DPP10: variants seen among roughly 807,000 people sequenced by gnomAD.
DPP10 encodes the protein dipeptidyl peptidase like 10.
DPP10 carries 33 observed loss-of-function variants against 120.9 expected under a neutral mutation model. The ratio of observed to expected loss-of-function variants is 0.27; its 90% CI spans 0.21 to 0.37. DPP10 has a LOEUF of 0.37. DPP10 is among the 10% of genes least tolerant of loss of function. The pLI, the probability that DPP10 is intolerant of heterozygous loss-of-function variation, is 1.00. For synonymous variants in DPP10, 337 were observed against 326.1 expected (o/e 1.03, Z -0.36); for missense variants, 816 against 942.8 (o/e 0.87, Z 1.76).
chr2:114,903,999 T>C (rs1693788072), intron 1 of DPP10, among the ~76,000 whole-genome samples: 1 of 152,218 alleles, frequency 6.6e-6, no homozygotes, highest in Admixed American at 6.5e-5. Context: ...TATCACCATC[T>C]GAGATGACAA....
At chr2:114,868,036 A>G (rs1189215531) in intron 1 of DPP10, among the ~76,000 whole-genome samples, 2 of 152,240 alleles carry the variant, frequency 1.3e-5, no homozygotes, top group South Asian at 2.1e-4. Flanking sequence ...GTGGAATCAG[A>G]CACTCACATC....
At chr2:115,663,857 T>C (rs916397142) in intron 5 of DPP10, among the ~76,000 whole-genome samples, 1 of 151,930 alleles carries the variant, frequency 6.6e-6, no homozygotes, top group Non-Finnish European at 1.5e-5. Flanking sequence ...TAGCCGGGTG[T>C]GGTGGCGTGC....
At chr2:114,929,257 G>A (rs1297451108) in intron 1 of DPP10, among the ~76,000 whole-genome samples, 3 of 152,034 alleles carry the variant, frequency 2.0e-5, no homozygotes, top group African/African-American at 7.2e-5. Flanking sequence ...TTACTGATGA[G>A]GTTCCACGTC....
intron 1 of DPP10, among the ~76,000 whole-genome samples, chr2:114,944,206 G>A (rs1286047751): frequency 1.3e-5 from 2 of 152,018 alleles, no homozygotes; most frequent in Non-Finnish European, 2.9e-5. Context: ...ATATTTCCTT[G>A]ATGTTGCAAA....
chr2:114,962,124 T>C (rs1039323483), intron 1 of DPP10, among the ~76,000 whole-genome samples: 2 of 152,198 alleles, frequency 1.3e-5, no homozygotes, highest in African/African-American at 4.8e-5. Flanking sequence ...TTTTTACTTC[T>C]TCTCACTTCA....
chr2:114,674,398 GA>G (rs1375271141), intron 1 of DPP10, among the ~76,000 whole-genome samples: 1 of 151,628 alleles, frequency 6.6e-6, no homozygotes. Context: ...TATTTTCATT[GA>G]TTTCTTGATT....
chr2:114,662,935 C>T (rs539374996), intron 1 of DPP10, among the ~76,000 whole-genome samples: 1 of 152,218 alleles, frequency 6.6e-6, no homozygotes, highest in Non-Finnish European at 1.5e-5. Context: ...CCTTAAGGCA[C>T]TTTTGATTGA....
chr2:115,626,463 A>G (rs1260336689), intron 5 of DPP10, among the ~76,000 whole-genome samples: 2 of 152,110 alleles, frequency 1.3e-5, no homozygotes, highest in African/African-American at 2.4e-5. Flanking sequence ...CTATATTTCA[A>G]TATTACCATT....
intron 1 of DPP10, among the ~76,000 whole-genome samples, chr2:114,526,327 TG>T (rs1685494345): frequency 6.6e-6 from 1 of 152,188 alleles, no homozygotes; most frequent in Admixed American, 6.5e-5. Context: ...TATTGACGAT[TG>T]GGGGATAAAT....
At chr2:115,146,817 C>T (rs1276355136) in intron 1 of DPP10, among the ~76,000 whole-genome samples, 1 of 152,154 alleles carries the variant, frequency 6.6e-6, no homozygotes, top group African/African-American at 2.4e-5. Flanking sequence ...AGGTAGCTTG[C>T]TCCTTCCCAC....
chr2:115,378,556 C>A (rs2066004245), intron 3 of DPP10, among the ~76,000 whole-genome samples: 1 of 150,864 alleles, frequency 6.6e-6, no homozygotes, highest in African/African-American at 2.4e-5. Flanking sequence ...CCTTCTCCTG[C>A]CTAATTGCCC....
chr2:115,795,993 T>G (rs1363183966), intron 19 of DPP10, among the ~76,000 whole-genome samples: 1 of 152,126 alleles, frequency 6.6e-6, no homozygotes, highest in African/African-American at 2.4e-5. Flanking sequence ...AATGTAGCCC[T>G]CCTATCTAAA....
At chr2:114,885,194 C>T (rs6737867) in intron 1 of DPP10, among the ~76,000 whole-genome samples, 2 of 151,986 alleles carry the variant, frequency 1.3e-5, no homozygotes, top group Admixed American at 1.3e-4. Flanking sequence ...TTCTTGGGAG[C>T]CCTCAGAAAT....
At chr2:115,800,735 C>G (rs1267943427) in intron 19 of DPP10, among the ~76,000 whole-genome samples, 3 of 152,132 alleles carry the variant, frequency 2.0e-5, no homozygotes, top group East Asian at 3.9e-4. Flanking sequence ...TGTCAAAGAT[C>G]AGATAGTTGT....
At chr2:115,163,871 G>A (rs1468164614) in intron 1 of DPP10, among the ~76,000 whole-genome samples, 1 of 152,216 alleles carries the variant, frequency 6.6e-6, no homozygotes, top group Non-Finnish European at 1.5e-5. Context: ...AGCTGAAAAT[G>A]TATGTGTAGA....
At chr2:114,460,039 A>G (rs1012185056) in intron 1 of DPP10, among the ~76,000 whole-genome samples, 6 of 152,184 alleles carry the variant, frequency 3.9e-5, no homozygotes, top group Admixed American at 6.5e-5. Context: ...ACCAAGAAAA[A>G]TGTCTTCTAT....
intron 1 of DPP10, among the ~76,000 whole-genome samples, chr2:114,967,877 T>A (rs917023864): frequency 1.3e-5 from 2 of 152,098 alleles, no homozygotes; most frequent in Non-Finnish European, 2.9e-5. Flanking sequence ...CAGAACAGCA[T>A]CATGAGCATC....
At chr2:115,600,467 T>C (rs920296970) in intron 5 of DPP10, among the ~76,000 whole-genome samples, 4 of 152,230 alleles carry the variant, frequency 2.6e-5, no homozygotes, top group Non-Finnish European at 5.9e-5. Flanking sequence ...AAAATTTTTA[T>C]TTACATATCA....
chr2:115,629,925 C>T (rs1340514271), intron 5 of DPP10, among the ~76,000 whole-genome samples: 1 of 152,058 alleles, frequency 6.6e-6, no homozygotes, highest in Non-Finnish European at 1.5e-5. Flanking sequence ...AGTTTTTTTC[C>T]AATTCTGTGA....
Sources: allele counts gnomAD v4.1 joint callset (sites outside exome capture counted in the v4.1 genomes callset), GRCh38; gene constraint gnomAD v4.1.1; transcripts MANE v1.5; gene names NCBI Gene and HGNC (gene_info 2026-07-23, HGNC 2026-07-21).